Variants in HYAL4 observed in about 807,000 individuals in gnomAD.
HYAL4 encodes hyaluronidase 4.
In HYAL4, 37 loss-of-function variants were observed where a neutral mutation model predicts 35.2. The observed-to-expected ratio is 1.05, with a 90% CI of 0.81 to 1.38. The LOEUF (loss-of-function observed/expected upper bound fraction) is 1.38. Ranked by LOEUF, HYAL4 falls within the 40% of genes most tolerant of loss-of-function variation. The pLI is 0.00. For missense variants in HYAL4, 572 were observed against 572.4 expected (o/e 1.00, Z 0.01); for synonymous variants, 198 against 203.2 (o/e 0.97, Z 0.22).
the HYAL4 span, among the ~76,000 whole-genome samples, chr7:123,790,933 T>G: frequency 6.6e-6 from 1 of 151,856 alleles, no homozygotes; most frequent in South Asian, 2.1e-4. Flanking sequence ...CTCGGCTAAT[T>G]TTTGTATTTT....
At chr7:123,847,780 A>G (rs1348488623) in intron 1 of HYAL4, among the ~76,000 whole-genome samples, 1 of 151,998 alleles carries the variant, frequency 6.6e-6, no homozygotes, top group Admixed American at 6.6e-5. Flanking sequence ...TCCGTCTAAA[A>G]TAATAATAAT....
the HYAL4 span, among the ~76,000 whole-genome samples, chr7:123,823,205 T>C: frequency 6.6e-6 from 1 of 152,340 alleles, no homozygotes; most frequent in Non-Finnish European, 1.5e-5. Context: ...TCTAGTAAGA[T>C]GATCATAGGA....
At position 123,868,727 on chromosome 7, in the gene HYAL4, C is replaced by T. The variant is rs1476729381; in HGVS notation, c.454C>T (p.Gln152Ter). The T allele has an allele frequency of 6.2e-7, 1 of 1,613,890 alleles. No individual in the cohort carries two copies. Among genetic ancestry groups the T allele is most frequent in the Non-Finnish European group, 8.5e-7 (1 of 1,179,984 alleles). The change falls in exon 3 of 5, where the codon CAG (glutamine) becomes TAG (stop). Residue 152 changes from glutamine to a stop codon, truncating the protein, a stop_gained. Coordinates refer to ENST00000223026, the MANE Select transcript of HYAL4 (RefSeq NM_012269.3). LOFTEE classifies it high-confidence loss of function. ...AVIDWEYWRP[Q>*]WARNWNSKDV... ...TATAGATTGGGAATATTGGCGACCA[C>T]AGTGGGCCCGGAACTGGAACTCAAA...
At chr7:123,810,511 C>T in the HYAL4 span, among the ~76,000 whole-genome samples, 1 of 152,184 alleles carries the variant, frequency 6.6e-6, no homozygotes, top group Non-Finnish European at 1.5e-5. Flanking sequence ...GTAGACTTTA[C>T]TTTTCAGAGC....
the HYAL4 span, among the ~76,000 whole-genome samples, chr7:123,817,434 C>T: frequency 1.1e-4 from 16 of 151,976 alleles, 1 homozygote; most frequent in South Asian, 2.5e-3. Context: ...CATTTCTCAC[C>T]GAACAATTTC....
intron 2 of HYAL4, among the ~76,000 whole-genome samples, chr7:123,865,422 A>C (rs1368729054): frequency 6.6e-6 from 1 of 152,190 alleles, no homozygotes; most frequent in East Asian, 1.9e-4. Context: ...CTTACTCATA[A>C]AATTAGATTC....
intron 1 of HYAL4, among the ~76,000 whole-genome samples, chr7:123,837,774 T>A (rs539910714): frequency 6.8e-6 from 1 of 148,030 alleles, no homozygotes; most frequent in African/African-American, 2.5e-5. Context: ...CGGTGTTTGG[T>A]TTTTTGTCCT....
chr7:123,799,100 C>A, the HYAL4 span, among the ~76,000 whole-genome samples: 23 of 152,270 alleles, frequency 1.5e-4, no homozygotes, highest in African/African-American at 5.1e-4. Flanking sequence ...TAATTCAGGG[C>A]ATCCACATTT....
At chr7:123,775,727 T>G in the HYAL4 span, among the ~76,000 whole-genome samples, 1 of 152,236 alleles carries the variant, frequency 6.6e-6, no homozygotes, top group Non-Finnish European at 1.5e-5. Flanking sequence ...TTTAGATGTC[T>G]TTAGATGTCA....
At position 123,869,089 on chromosome 7, in the gene HYAL4, A is replaced by G. The variant is rs758996321; in HGVS notation, c.816A>G (p.Glu272=). The G allele has an allele frequency of 1.5e-5, 24 of 1,614,088 alleles. No individual in the cohort carries two copies. The East Asian group carries it at 5.1e-4, about 34-fold the overall frequency. Residue 272 remains glutamate (E), a synonymous_variant, in exon 3 of 5, where the codon GAA becomes GAG. Transcript: ENST00000223026. ...TCTGGAAATCCCTTGGAGACAGTGA[A>G]AACATTTTGCGCTTCTCCAAATTTC... ...IGVWKSLGDS[E]NILRFSKFRV...
intron 3 of HYAL4, among the ~76,000 whole-genome samples, chr7:123,870,390 T>C (rs191819225): frequency 6.6e-6 from 1 of 152,330 alleles, no homozygotes; most frequent in East Asian, 1.9e-4. Flanking sequence ...TGTGAACTTC[T>C]ATTCATACCA....
chr7:123,767,603 T>G, the HYAL4 span, among the ~76,000 whole-genome samples: 1 of 152,190 alleles, frequency 6.6e-6, no homozygotes, highest in African/African-American at 2.4e-5. Context: ...AAAACTCTTG[T>G]CTTTTCTACA....
At chr7:123,843,866 C>T (rs1017838757), upstream of HYAL4, among the ~76,000 whole-genome samples, 4 of 151,904 alleles carry the variant, frequency 2.6e-5, no homozygotes, top group African/African-American at 9.7e-5. Context: ...AAGGTCTTCT[C>T]CACACTGTTT....
At chr7:123,775,829 C>G in the HYAL4 span, among the ~76,000 whole-genome samples, 2 of 152,098 alleles carry the variant, frequency 1.3e-5, no homozygotes, top group Non-Finnish European at 1.5e-5. Flanking sequence ...ACACACTACC[C>G]TAGGCAACTG....
chr7:123,875,341 G>A (rs1264415163), intron 4 of HYAL4, among the ~76,000 whole-genome samples: 6 of 152,114 alleles, frequency 3.9e-5, no homozygotes, highest in Non-Finnish European at 7.4e-5. Context: ...TTCCTCTACA[G>A]AGAAATCAGC....
rs770541919 is a variant in HYAL4 at position 123,845,202 on chromosome 7, C to CTTTTTTTTTTTTT, written c.-593_-581dup. On this transcript the variant is annotated 5_prime_UTR_variant, in exon 1 of 5. An upstream open reading frame in the 5' UTR loses its in-frame stop. Coordinates refer to ENST00000223026, the MANE Select transcript of HYAL4 (RefSeq NM_012269.3). Reference sequence around the variant, plus strand: ...TTATTTATGCTATCTATTTCTTTTCCTTTTTTTTTTTTTTTTTTTTTTTTG... The same window carrying CTTTTTTTTTTTTT: ...TTATTTATGCTATCTATTTCTTTTCCTTTTTTTTTTTTTTTTTTTTTTTTTTTTTTTTTTTTTG... 1.2e-4 allele frequency: 9 copies of CTTTTTTTTTTTTT among 76,872 alleles called. No individual in the cohort carries two copies. The highest frequency in any genetic ancestry group is 2.4e-4 in the African/African-American group (4 of 16,716). The allele number at this position is 76,872 out of a possible 1,614,324, so 4.8% of individuals were successfully genotyped here.
chr7:123,771,205 A>T, the HYAL4 span, among the ~76,000 whole-genome samples: 9 of 152,318 alleles, frequency 5.9e-5, no homozygotes, highest in African/African-American at 1.9e-4. Context: ...CAACTGACAA[A>T]TAAATAAAGG....
At chr7:123,833,308 G>C (rs1805912387) in intron 1 of HYAL4, among the ~76,000 whole-genome samples, 2 of 152,144 alleles carry the variant, frequency 1.3e-5, no homozygotes, top group Non-Finnish European at 1.5e-5. Context: ...TAGTGGTTTT[G>C]ATTTGCATTT....
chr7:123,792,738 A>T, the HYAL4 span, among the ~76,000 whole-genome samples: 2 of 152,160 alleles, frequency 1.3e-5, no homozygotes, highest in South Asian at 4.1e-4. Flanking sequence ...TTAGAGTCTC[A>T]TGATCAGAGA....
Sources: gnomAD v4.1 joint callset for allele counts (sites outside exome capture counted in the v4.1 genomes callset) on GRCh38, gnomAD v4.1.1 for gene constraint, MANE v1.5 for transcripts, NCBI Gene and HGNC (gene_info 2026-07-23, HGNC 2026-07-21) for gene names.